KCNK1: variants seen among roughly 807,000 people sequenced by gnomAD.
KCNK1 encodes potassium channel subfamily K member 1.
A neutral mutation model predicts 22.2 loss-of-function variants in KCNK1; 10 were observed. The ratio of observed to expected loss-of-function variants is 0.45; its 90% CI spans 0.28 to 0.76. KCNK1 has a LOEUF of 0.76. KCNK1 is among the 30% of genes least tolerant of loss of function. The pLI, the probability that KCNK1 is intolerant of heterozygous loss-of-function variation, is 0.14. For missense variants in KCNK1, 378 were observed against 421.0 expected, an observed-to-expected ratio of 0.90 and a Z score of 0.89; for synonymous variants, 200 against 186.4, an observed-to-expected ratio of 1.07 and a Z score of -0.60.
intron 1 of KCNK1, among the ~76,000 whole-genome samples, chr1:233,625,652 A>T (rs148255617): frequency 3.0e-3 from 452 of 152,294 alleles, no homozygotes; most frequent in South Asian, 8.1e-3. Flanking sequence ...AGGAACAACA[A>T]TGCAGAGCAA....
chr1:233,642,075 T>A (rs1362253138), intron 1 of KCNK1, among the ~76,000 whole-genome samples: 6 of 145,790 alleles, frequency 4.1e-5, no homozygotes. Flanking sequence ...CTGTCTCCTG[T>A]TTTTAGGCAA....
At chr1:233,648,161 T>C (rs1658130403) in intron 1 of KCNK1, among the ~76,000 whole-genome samples, 1 of 152,232 alleles carries the variant, frequency 6.6e-6, no homozygotes, top group African/African-American at 2.4e-5. Context: ...TTCCTGTTTA[T>C]GTGGTAAGAT....
intron 1 of KCNK1, among the ~76,000 whole-genome samples, chr1:233,657,666 GAAAA>G (rs1308222379): frequency 6.7e-6 from 1 of 149,412 alleles, no homozygotes; most frequent in East Asian, 2.0e-4. Context: ...AAAGACGAAA[GAAAA>G]GAAAGAAAGA....
At chr1:233,636,352 T>C (rs1657896073) in intron 1 of KCNK1, among the ~76,000 whole-genome samples, 1 of 152,086 alleles carries the variant, frequency 6.6e-6, no homozygotes, top group African/African-American at 2.4e-5. Flanking sequence ...CTCAGAGAGA[T>C]CTCCGTGGCT....
intron 1 of KCNK1, among the ~76,000 whole-genome samples, chr1:233,663,980 C>G (rs1006818318): frequency 6.6e-6 from 1 of 151,932 alleles, no homozygotes; most frequent in Non-Finnish European, 1.5e-5. Flanking sequence ...TACAGGTGCC[C>G]GCTACCATGC....
chr1:233,640,431 C>T (rs751743356), intron 1 of KCNK1, among the ~76,000 whole-genome samples: 9 of 152,102 alleles, frequency 5.9e-5, no homozygotes, highest in Admixed American at 1.3e-4. Flanking sequence ...TTGAATTCAG[C>T]GGACTCATTA....
chr1:233,667,011 G>A, intron 2 of KCNK1, 21 bp downstream of exon 2: 1 of 1,527,078 alleles, frequency 6.5e-7, no homozygotes, highest in Non-Finnish European at 8.8e-7. Context: ...CAGCTCCCTG[G>A]CTGCTCCTTC....
chr1:233,636,824 A>G (rs1657906335), intron 1 of KCNK1, among the ~76,000 whole-genome samples: 1 of 152,190 alleles, frequency 6.6e-6, no homozygotes, highest in East Asian at 1.9e-4. Flanking sequence ...CATGGTTTCT[A>G]CATGTTGTCC....
intron 1 of KCNK1, among the ~76,000 whole-genome samples, chr1:233,653,375 C>T (rs1658233125): frequency 6.6e-6 from 1 of 152,164 alleles, no homozygotes; most frequent in South Asian, 2.1e-4. Context: ...AATAATAAAA[C>T]TTACATTTTG....
chr1:233,618,371 A>C (rs932116389), intron 1 of KCNK1, among the ~76,000 whole-genome samples: 1 of 149,032 alleles, frequency 6.7e-6, no homozygotes, highest in African/African-American at 2.5e-5. Flanking sequence ...TTCCCACAGA[A>C]CTTCTATACT....
At chr1:233,644,276 C>G (rs2102897187) in intron 1 of KCNK1, among the ~76,000 whole-genome samples, 1 of 152,314 alleles carries the variant, frequency 6.6e-6, no homozygotes, top group African/African-American at 2.4e-5. Flanking sequence ...CAACTCCCAA[C>G]ACTGTTGGAC....
At chr1:233,629,244 G>A (rs1337796781) in intron 1 of KCNK1, among the ~76,000 whole-genome samples, 1 of 152,168 alleles carries the variant, frequency 6.6e-6, no homozygotes, top group Non-Finnish European at 1.5e-5. Flanking sequence ...ATGGTAATTG[G>A]GTAATTGGGT....
chr1:233,628,624 G>A lies in KCNK1; in HGVS notation c.355+14098G>A, dbSNP rs182586968. On this transcript the variant is annotated intron_variant, in intron 1 of 2. Transcript: ENST00000366621. The stretch of plus-strand genomic sequence containing the variant: ...AAAATTCAAAAATTAGCCAGGCGTG[G>A]TGGTGGGTGCCTGTAATCCCAGCTA... Among the ~76,000 whole-genome samples, 378 of 152,204 alleles carry A rather than the reference G, an allele frequency of 2.5e-3. 2 individuals carry two copies. The highest frequency in any genetic ancestry group is 0.01 in the Middle Eastern group (3 of 294).
intron 2 of KCNK1, among the ~76,000 whole-genome samples, chr1:233,670,840 G>A (rs1032096585): frequency 6.6e-6 from 1 of 152,054 alleles, no homozygotes; most frequent in South Asian, 2.1e-4. Context: ...AAAATCTTCC[G>A]AGCACCCCAT....
chr1:233,644,885 T>A (rs997006060), intron 1 of KCNK1, among the ~76,000 whole-genome samples: 2 of 152,056 alleles, frequency 1.3e-5, no homozygotes, highest in Admixed American at 1.3e-4. Flanking sequence ...CAATGGGAAA[T>A]CATTGGGGGA....
intron 2 of KCNK1, among the ~76,000 whole-genome samples, chr1:233,669,901 G>A (rs1043744094): frequency 2.0e-5 from 3 of 152,150 alleles, no homozygotes; most frequent in Non-Finnish European, 2.9e-5. Flanking sequence ...CTGAATGCAC[G>A]ATATTGTTTT....
At chr1:233,630,298 AC>A (rs1461311640) in intron 1 of KCNK1, among the ~76,000 whole-genome samples, 2 of 152,038 alleles carry the variant, frequency 1.3e-5, no homozygotes, top group Admixed American at 1.3e-4. Flanking sequence ...TCAGAGCAAA[AC>A]CCCAACTTCA....
chr1:233,643,340 A>G (rs1180733722), intron 1 of KCNK1, among the ~76,000 whole-genome samples: 1 of 152,038 alleles, frequency 6.6e-6, no homozygotes, highest in African/African-American at 2.4e-5. Context: ...AAAATGGCCA[A>G]TGGGCATGTT....
At chr1:233,645,595 C>G (rs554314545) in intron 1 of KCNK1, among the ~76,000 whole-genome samples, 90 of 152,328 alleles carry the variant, frequency 5.9e-4, no homozygotes, top group African/African-American at 2.1e-3. Flanking sequence ...CTTCGAGGCA[C>G]TGCTAATACC....
Sources: gnomAD v4.1 joint callset for allele counts (sites outside exome capture counted in the v4.1 genomes callset) on GRCh38, gnomAD v4.1.1 for gene constraint, MANE v1.5 for transcripts, NCBI Gene and HGNC (gene_info 2026-07-23, HGNC 2026-07-21) for gene names.